The following ADAP1 variants were observed in gnomAD, a reference collection of about 807,000 sequenced individuals.
ADAP1 encodes arf-GAP with dual PH domain-containing protein 1.
In ADAP1, 31 loss-of-function variants were observed where a neutral mutation model predicts 54.9. The ratio of observed to expected loss-of-function variants is 0.56; its 90% CI spans 0.42 to 0.76. The LOEUF (loss-of-function observed/expected upper bound fraction) is 0.76. ADAP1 is among the 30% of genes least tolerant of loss of function. The pLI is 0.00. For missense variants in ADAP1, 535 were observed against 512.4 expected (o/e 1.04, Z -0.42); for synonymous variants, 313 against 202.6 (o/e 1.55, Z -4.63).
At chr7:907,378 A>G (rs1444017672) in intron 4 of ADAP1, among the ~76,000 whole-genome samples, 1 of 152,104 alleles carries the variant, frequency 6.6e-6, no homozygotes, top group Non-Finnish European at 1.5e-5. Context: ...GGGGCCCCAG[A>G]GCCCAGGAGC....
intron 4 of ADAP1, 40 bp from the exon 5 acceptor site, chr7:905,212 G>GA: frequency 6.6e-7 from 1 of 1,523,970 alleles, no homozygotes; most frequent in Non-Finnish European, 8.9e-7. Flanking sequence ...ACAGTGGATG[G>GA]GGGGGAGGAA....
chr7:905,299 A>ACACGGACG (rs1562911228), intron 4 of ADAP1, 127 bp from the exon 5 acceptor site: 1 of 172,156 alleles, frequency 5.8e-6, no homozygotes. Context: ...GGACACGGAC[A>ACACGGACG]GGGGGAGACG....
chr7:927,274 T>C (rs769332129), intron 2 of ADAP1: 277 of 1,231,338 alleles, frequency 2.2e-4, no homozygotes, highest in Non-Finnish European at 2.8e-4. Context: ...AGGCTCGTGC[T>C]CCAGGAGGCT....
chr7:914,604 C>G, intron 4 of ADAP1, among the ~76,000 whole-genome samples: 1 of 152,158 alleles, frequency 6.6e-6, no homozygotes, highest in East Asian at 1.9e-4. Context: ...AGGTCTAACC[C>G]TGAGCACCAG....
intron 3 of ADAP1, among the ~76,000 whole-genome samples, chr7:922,655 A>G (rs1378862745): frequency 6.6e-6 from 1 of 151,904 alleles, no homozygotes; most frequent in Non-Finnish European, 1.5e-5. Context: ...AGTTCAGGAC[A>G]CCATCAACAC....
intron 5 of ADAP1, 30 bp from the exon 6 acceptor site, chr7:904,302 CAG>C: frequency 1.3e-6 from 2 of 1,537,840 alleles, no homozygotes; most frequent in Non-Finnish European, 8.8e-7. Context: ...AAGCACCTCA[CAG>C]GGGCCGTCGT....
chr7:908,789 C>T (rs990134418), intron 4 of ADAP1, among the ~76,000 whole-genome samples: 2 of 152,240 alleles, frequency 1.3e-5, no homozygotes, highest in African/African-American at 4.8e-5. Context: ...CGCTCACGGC[C>T]TTGTGTGCAC....
chr7:924,916 G>C (rs1198902156), intron 3 of ADAP1, among the ~76,000 whole-genome samples: 2 of 152,168 alleles, frequency 1.3e-5, no homozygotes, highest in Non-Finnish European at 2.9e-5. Context: ...GGCCAGGGCA[G>C]GGTTCCCCTG....
chr7:902,446 G>A (rs371945445), intron 6 of ADAP1, among the ~76,000 whole-genome samples: 830 of 11,462 alleles, frequency 0.072, no homozygotes, highest in East Asian at 0.46. Context: ...TGACAAGGGC[G>A]AAACTCTGCC....
intron 4 of ADAP1, among the ~76,000 whole-genome samples, chr7:908,439 A>G (rs1041789559): frequency 6.6e-6 from 1 of 152,090 alleles, no homozygotes; most frequent in African/African-American, 2.4e-5. Context: ...TGCTCCCCTC[A>G]CTGCCCGGAG....
intron 2 of ADAP1, among the ~76,000 whole-genome samples, chr7:928,488 C>T (rs768152543): frequency 3.3e-5 from 5 of 152,164 alleles, no homozygotes; most frequent in Admixed American, 3.3e-4. Context: ...CTCTGTTGCC[C>T]GGGCTGGTCT....
At chr7:899,360 A>C in intron 9 of ADAP1, 59 bp downstream of exon 9, 1 of 1,607,958 alleles carries the variant, frequency 6.2e-7, no homozygotes, top group Non-Finnish European at 8.5e-7. Context: ...CTGGTCACGC[A>C]TCTGGCAACC....
At chr7:906,795 ACAG>A in intron 4 of ADAP1, among the ~76,000 whole-genome samples, 1 of 23,824 alleles carries the variant, frequency 4.2e-5, no homozygotes, top group Non-Finnish European at 8.2e-5. Context: ...GGGGGACGGG[ACAG>A]GGGACATGGG....
In ADAP1 at chr7:917,473, C is replaced by G. The variant is rs569410196; in HGVS notation, c.388+2495G>C. On this transcript the variant is annotated intron_variant, in intron 4 of 10. Coordinates refer to ENST00000265846, the MANE Select transcript of ADAP1 (RefSeq NM_006869.4). ...AGCCATTTCAGGGCCGCCTCTCTTTCACATATTTTGAGACAGACTTTTGCT... is the reference window on the plus strand; with the variant it reads ...AGCCATTTCAGGGCCGCCTCTCTTTGACATATTTTGAGACAGACTTTTGCT... Among the ~76,000 whole-genome samples, 5 of 152,272 alleles carry G rather than the reference C, an allele frequency of 3.3e-5. No individual in the cohort carries two copies. In the East Asian group the frequency reaches 9.7e-4, roughly 29 times the overall value.
rs1847136181 is a variant in ADAP1, at chr7:946,257, G to A, written c.82+8139C>T. 6.6e-6 allele frequency among the ~76,000 whole-genome samples: 1 copy of A among 152,140 alleles called. No homozygotes were observed. The highest frequency in any genetic ancestry group is 6.5e-5 in the Admixed American group (1 of 15,280). The stretch of plus-strand genomic sequence containing the variant: ...CCTGCAGGGATCCAGGCTCCCGCCG[G>A]CCGGTGGATCCCCGCCAGCGAGGCA... On this transcript the variant is annotated intron_variant, in intron 1 of 10. Transcript: ENST00000265846. This position sits in a 1 kb window ranked among gnomAD's most constrained non-coding sequence, Gnocchi z 4.3.
At chr7:932,105 T>C (rs2128107976) in intron 2 of ADAP1, among the ~76,000 whole-genome samples, 1 of 152,312 alleles carries the variant, frequency 6.6e-6, no homozygotes, top group East Asian at 1.9e-4. Flanking sequence ...CTGAGATTCA[T>C]CTTTGGTTTT....
chr7:931,245 A>G (rs912061336), intron 2 of ADAP1, among the ~76,000 whole-genome samples: 3 of 152,162 alleles, frequency 2.0e-5, no homozygotes, highest in Admixed American at 1.3e-4. Context: ...GGAAGGAGAC[A>G]GCTCCCTTCT....
Position 946,366 on chromosome 7 carries a change from G to A in ADAP1, c.82+8030C>T, listed in dbSNP as rs1847139595. Among the ~76,000 whole-genome samples, 1 of 151,820 alleles carries A rather than the reference G, an allele frequency of 6.6e-6. No homozygotes were observed. Among genetic ancestry groups the A allele is most frequent in the Non-Finnish European group, 1.5e-5 (1 of 67,962 alleles). ...CAGGCCCCCACCCCCTCACGCTCAC[G>A]GGCGGCCCTGGTCCCATTCCATTGT... On this transcript the variant is annotated intron_variant, in intron 1 of 10. Transcript: ENST00000265846. The surrounding 1 kb of genome is among the most constrained non-coding windows in gnomAD (Gnocchi z 4.3).
At chr7:906,465 GA>G (rs1845345542) in intron 4 of ADAP1, among the ~76,000 whole-genome samples, 1 of 114,726 alleles carries the variant, frequency 8.7e-6, no homozygotes, top group Non-Finnish European at 1.9e-5. Flanking sequence ...AGGGAAAGGA[GA>G]AAGGAGAAAG....
Sources: allele counts gnomAD v4.1 joint callset (sites outside exome capture counted in the v4.1 genomes callset), GRCh38; gene constraint gnomAD v4.1.1; non-coding constraint Gnocchi (gnomAD v3.1); transcripts MANE v1.5; gene names NCBI Gene and HGNC (gene_info 2026-07-23, HGNC 2026-07-21).